Variants in FAM193A observed in about 807,000 individuals in gnomAD.
FAM193A encodes the protein family with sequence similarity 193 member A, also known as protein FAM193A.
FAM193A carries 22 observed loss-of-function variants against 126.5 expected under a neutral mutation model. The observed-to-expected ratio is 0.17, with a 90% confidence interval of 0.12 to 0.25. The LOEUF is 0.25. FAM193A is among the 10% of genes least tolerant of loss of function. FAM193A has a pLI of 1.00. For missense variants in FAM193A, 1,675 were observed against 1,672.8 expected, an observed-to-expected ratio of 1.00 and a Z score of -0.02; for synonymous variants, 761 against 646.8, an observed-to-expected ratio of 1.18 and a Z score of -2.68.
intron 19 of FAM193A, among the ~76,000 whole-genome samples, chr4:2,705,189 CATG>C (rs1023264442): frequency 2.0e-5 from 3 of 152,234 alleles, no homozygotes; most frequent in African/African-American, 7.2e-5. Flanking sequence ...GGATTACAGG[CATG>C]AGCCACCGCA....
rs71644338 is a variant in FAM193A at position 2,565,254 on chromosome 4, C to CTTT, written c.255+28104_255+28106dup. On this transcript the variant is annotated intron_variant, in intron 1 of 20. Coordinates refer to ENST00000637812, the MANE Select transcript of FAM193A (RefSeq NM_001366318.2). ...TGGATATACACAATGATAGAGTAGCCTTTTTTTTTTTTTTTTTTTTTTAAA... is the reference window on the plus strand; with the variant it reads ...TGGATATACACAATGATAGAGTAGCCTTTTTTTTTTTTTTTTTTTTTTTTTAAA... Among the ~76,000 whole-genome samples the CTTT allele has an allele frequency of 2.6e-4, 13 of 50,698 alleles. 1 individual carries two copies. The highest frequency in any genetic ancestry group is 2.7e-3 in the South Asian group (2 of 754). The allele number at this position is 50,698 out of a possible 152,430, so 33.3% of individuals were successfully genotyped here. A position where few individuals can be genotyped will look rare whatever the true frequency, so the allele number is the denominator to read the frequency against.
At chr4:2,695,808 C>T (rs1344838598) in intron 17 of FAM193A, among the ~76,000 whole-genome samples, 1 of 152,084 alleles carries the variant, frequency 6.6e-6, no homozygotes, top group Non-Finnish European at 1.5e-5. Flanking sequence ...GTGGCTTATG[C>T]CTGTAATAGC....
intron 12 of FAM193A, among the ~76,000 whole-genome samples, chr4:2,668,591 G>A (rs1024830467): frequency 2.6e-5 from 4 of 152,022 alleles, no homozygotes; most frequent in Admixed American, 6.6e-5. Flanking sequence ...ACTTTGCTCC[G>A]CAGGAGCTCC....
At chr4:2,671,386 C>T (rs2109157507) in intron 12 of FAM193A, among the ~76,000 whole-genome samples, 1 of 152,334 alleles carries the variant, frequency 6.6e-6, no homozygotes, top group Non-Finnish European at 1.5e-5. Context: ...CTGCTTCACC[C>T]TCTGCCTGAC....
intron 12 of FAM193A, among the ~76,000 whole-genome samples, chr4:2,671,701 ACCGGAAGTC>A (rs1232639007): frequency 2.0e-5 from 3 of 152,178 alleles, no homozygotes; most frequent in Admixed American, 6.5e-5. Context: ...CTCCACCGTA[ACCGGAAGTC>A]GCGTCTCTGC....
chr4:2,726,725 G>C (rs2109425435), intron 20 of FAM193A, among the ~76,000 whole-genome samples: 1 of 147,304 alleles, frequency 6.8e-6, no homozygotes, highest in South Asian at 2.2e-4. Context: ...GAGGGTCAGG[G>C]GTTTGAGACC....
At chr4:2,581,408 C>T (rs1041883200) in intron 1 of FAM193A, among the ~76,000 whole-genome samples, 1 of 151,456 alleles carries the variant, frequency 6.6e-6, no homozygotes, top group Non-Finnish European at 1.5e-5. Context: ...TGCATGCCAC[C>T]ACGCCTGGCT....
chr4:2,558,806 G>A (rs1474186476), intron 1 of FAM193A, among the ~76,000 whole-genome samples: 1 of 152,200 alleles, frequency 6.6e-6, no homozygotes, highest in Non-Finnish European at 1.5e-5. Context: ...TTCGAGACCA[G>A]CCTGGCCAAC....
chr4:2,643,433 A>G (rs1339772963), intron 6 of FAM193A, among the ~76,000 whole-genome samples: 1 of 152,198 alleles, frequency 6.6e-6, no homozygotes, highest in Non-Finnish European at 1.5e-5. Flanking sequence ...ATATAACATA[A>G]AGCTTACCAT....
chr4:2,610,384 G>A (rs1458098811), intron 2 of FAM193A, among the ~76,000 whole-genome samples: 1 of 152,208 alleles, frequency 6.6e-6, no homozygotes, highest in Non-Finnish European at 1.5e-5. Flanking sequence ...TACCTTGAAT[G>A]CTTGCCCTGT....
At chr4:2,717,233 G>A (rs1231004602) in intron 20 of FAM193A, among the ~76,000 whole-genome samples, 1 of 152,172 alleles carries the variant, frequency 6.6e-6, no homozygotes, top group African/African-American at 2.4e-5. Flanking sequence ...ACTCACCTCA[G>A]CCTCCCAAAG....
Position 2,541,627 on chromosome 4 carries a change from G to T in FAM193A, c.255+4457G>T, listed in dbSNP as rs1412440855. Among the ~76,000 whole-genome samples, 4 of 151,272 alleles carry T rather than the reference G, an allele frequency of 2.6e-5. No homozygotes were observed. In the South Asian group the frequency reaches 8.3e-4, roughly 32 times the overall value. On this transcript the variant is annotated intron_variant, in intron 1 of 20. Coordinates refer to ENST00000637812, the MANE Select transcript of FAM193A (RefSeq NM_001366318.2). ...CGCCCAGCTAATTTTTGTATTTTTA[G>T]TAGAGACAGGGTTTCACCATGTTGG...
At chr4:2,617,677 C>T (rs1363704291) in intron 2 of FAM193A, among the ~76,000 whole-genome samples, 1 of 152,112 alleles carries the variant, frequency 6.6e-6, no homozygotes, top group Non-Finnish European at 1.5e-5. Context: ...CCTCTACTCT[C>T]AAAGAATAGT....
chr4:2,686,037 A>G (rs1341417970), intron 13 of FAM193A, among the ~76,000 whole-genome samples: 1 of 152,216 alleles, frequency 6.6e-6, no homozygotes, highest in Non-Finnish European at 1.5e-5. Flanking sequence ...TTACAGTTAT[A>G]TCATTGGTGG....
intron 13 of FAM193A, among the ~76,000 whole-genome samples, chr4:2,677,672 C>T (rs974718393): frequency 1.4e-5 from 2 of 146,234 alleles, no homozygotes; most frequent in Admixed American, 7.0e-5. Context: ...ACCCGGGAGG[C>T]GGAGATTGCA....
intron 16 of FAM193A, among the ~76,000 whole-genome samples, chr4:2,694,540 T>G (rs1716813000): frequency 6.6e-6 from 1 of 152,042 alleles, no homozygotes; most frequent in Non-Finnish European, 1.5e-5. Context: ...GTGCTGGGAG[T>G]ACAGACGTGA....
At chr4:2,610,500 T>A (rs1397148625) in intron 2 of FAM193A, among the ~76,000 whole-genome samples, 3 of 152,230 alleles carry the variant, frequency 2.0e-5, no homozygotes, top group Non-Finnish European at 2.9e-5. Context: ...CCAGATTGAC[T>A]TGAGTTAGCC....
chr4:2,581,132 AAAC>A (rs140601230), intron 1 of FAM193A, among the ~76,000 whole-genome samples: 4 of 138,420 alleles, frequency 2.9e-5, no homozygotes, highest in Admixed American at 6.9e-5. Flanking sequence ...CCGTCTCAAA[AAAC>A]AACAACAAAA....
In FAM193A at chr4:2,701,982, G is replaced by C. The variant is rs201655549; in HGVS notation, c.4372+1438G>C. Among the ~76,000 whole-genome samples, 3 of 152,096 alleles carry C rather than the reference G, an allele frequency of 2.0e-5. No individual in the cohort carries two copies. In the East Asian group the frequency reaches 5.8e-4, roughly 29 times the overall value. ...AGATGGGATTTCACCTTGTTGGTCA[G>C]GCTGGTCTCAAACTCCCGACCTCAG... On this transcript the variant is annotated intron_variant, in intron 19 of 20. Coordinates refer to ENST00000637812, the MANE Select transcript of FAM193A (RefSeq NM_001366318.2).
Sources: gnomAD v4.1 joint callset for allele counts (sites outside exome capture counted in the v4.1 genomes callset) on GRCh38, gnomAD v4.1.1 for gene constraint, MANE v1.5 for transcripts, NCBI Gene and HGNC (gene_info 2026-07-23, HGNC 2026-07-21) for gene names.